DNAJC17: variants seen among roughly 807,000 people sequenced by gnomAD.
DNAJC17 encodes the protein DnaJ heat shock protein family (Hsp40) member C17.
DNAJC17 carries 35 observed loss-of-function variants against 48.1 expected under a neutral mutation model. That is an observed-to-expected ratio of 0.73 (90% CI 0.56 to 0.96). The LOEUF is 0.96. Ranked by LOEUF, DNAJC17 falls within the 50% of genes least tolerant of loss-of-function variation. The pLI is 0.00. For synonymous variants in DNAJC17, 117 were observed against 142.7 expected, an observed-to-expected ratio of 0.82 and a Z score of 1.28; for missense variants, 355 against 377.1, an observed-to-expected ratio of 0.94 and a Z score of 0.48.
At chr15:40,780,145 T>C (rs574293520) in intron 1 of DNAJC17, 148 bp from the exon 2 acceptor site, 11 of 778,322 alleles carry the variant, frequency 1.4e-5, no homozygotes, top group East Asian at 1.4e-4. Context: ...AGACTGGCAA[T>C]GGAGGAGGCC....
rs1889707814 is a variant in DNAJC17 at position 40,788,574 on chromosome 15, T to G, written c.79-8577A>C. ...AGCCGGGCATGGTGGCGGGCGCCTG[T>G]AGTCCCAGCTACTCGGGAGGCTGAG... is the stretch of plus-strand genomic sequence containing the variant. On this transcript the variant is annotated intron_variant, in intron 1 of 10. Transcript: ENST00000220496. Among the ~76,000 whole-genome samples the G allele has an allele frequency of 5.3e-5, 8 of 151,802 alleles. 1 individual carries two copies. In the South Asian group the frequency reaches 1.7e-3, roughly 32 times the overall value.
chr15:40,796,529 G>T (rs966151233), intron 1 of DNAJC17, among the ~76,000 whole-genome samples: 2 of 152,060 alleles, frequency 1.3e-5, no homozygotes, highest in African/African-American at 2.4e-5. Flanking sequence ...TGTTAGGTGA[G>T]TTTGAAAAAA....
chr15:40,770,116 C>A lies in DNAJC17; in HGVS notation c.793-2054G>T. On this transcript the variant is annotated intron_variant, in intron 10 of 10. Transcript: ENST00000220496. This position sits in a 1 kb window ranked among gnomAD's most constrained non-coding sequence, Gnocchi z 5.0. ...ATCTGCTGCCTGCCTGTGGAAGGAG[C>A]GCTCGCCAGCCTCACCCAGCCCGAG... The A allele has an allele frequency of 4.7e-6, 1 of 212,598 alleles. No homozygotes were observed. Among genetic ancestry groups the A allele is most frequent in the Admixed American group, 5.2e-5 (1 of 19,258 alleles). 13.2% of individuals were successfully genotyped at this position (212,598 alleles called of 1,614,324 possible). A position where few individuals can be genotyped will look rare whatever the true frequency, so the allele number is the denominator to read the frequency against.
chr15:40,781,153 G>GAAAAA (rs11337976), intron 1 of DNAJC17, among the ~76,000 whole-genome samples: 1 of 88,994 alleles, frequency 1.1e-5, no homozygotes, highest in Non-Finnish European at 2.3e-5. Flanking sequence ...CTCCATCTCA[G>GAAAAA]AAAAAAAAAA....
chr15:40,779,669 C>G, intron 2 of DNAJC17, 66 bp from the exon 3 acceptor site: 1 of 1,248,380 alleles, frequency 8.0e-7, no homozygotes, highest in Non-Finnish European at 1.1e-6. Context: ...TGTGCTCCCT[C>G]AAAAAAAAAA....
chr15:40,806,679 A>T (rs544923544), intron 1 of DNAJC17, among the ~76,000 whole-genome samples: 1 of 152,248 alleles, frequency 6.6e-6, no homozygotes, highest in East Asian at 1.9e-4. Flanking sequence ...ACCATGATCC[A>T]GGGGGAGATA....
chr15:40,771,318 G>A (rs1468462361), intron 10 of DNAJC17: 3 of 430,622 alleles, frequency 7.0e-6, no homozygotes, highest in East Asian at 4.6e-5. Flanking sequence ...AAGGGAGGCT[G>A]TGCCGGGAAA....
At chr15:40,791,759 C>G (rs1471373523) in intron 1 of DNAJC17, among the ~76,000 whole-genome samples, 1 of 151,822 alleles carries the variant, frequency 6.6e-6, no homozygotes, top group South Asian at 2.1e-4. Context: ...GCAGGAGAAT[C>G]GCTTGAACTC....
intron 1 of DNAJC17, among the ~76,000 whole-genome samples, chr15:40,792,138 G>A (rs116766505): frequency 3.3e-5 from 5 of 152,128 alleles, no homozygotes; most frequent in South Asian, 2.1e-4. Flanking sequence ...TGCATGCCCC[G>A]GTTGCTCCTT....
At chr15:40,804,863 G>A (rs1417466491) in intron 1 of DNAJC17, among the ~76,000 whole-genome samples, 3 of 152,166 alleles carry the variant, frequency 2.0e-5, no homozygotes, top group South Asian at 4.1e-4. Flanking sequence ...TTAGCTGGGT[G>A]TGGTGGCACA....
At chr15:40,776,941 G>A (rs890079055) in intron 4 of DNAJC17, 1 of 268,484 alleles carries the variant, frequency 3.7e-6, no homozygotes, top group African/African-American at 2.2e-5. Context: ...ATGTGTCAGG[G>A]GTGCCAATGG....
Position 40,769,088 on chromosome 15 carries a change from T to A in DNAJC17, c.793-1026A>T, listed in dbSNP as rs1461048363. Among the ~76,000 whole-genome samples, 1 of 152,098 alleles carries A rather than the reference T, an allele frequency of 6.6e-6. No individual in the cohort carries two copies. The highest frequency in any genetic ancestry group is 1.5e-5 in the Non-Finnish European group (1 of 68,018). ...TGGCCAGCAGGTTTGGAGTAAGGGG[T>A]GTAGAGAAACAGGAAGTGTTACTCA... On this transcript the variant is annotated intron_variant, in intron 10 of 10. Coordinates refer to ENST00000220496, the MANE Select transcript of DNAJC17 (RefSeq NM_018163.3). The surrounding 1 kb of genome is among the most constrained non-coding windows in gnomAD (Gnocchi z 4.2).
chr15:40,797,762 C>T (rs1207565495), intron 1 of DNAJC17, among the ~76,000 whole-genome samples: 2 of 138,494 alleles, frequency 1.4e-5, no homozygotes, highest in Non-Finnish European at 3.1e-5. Context: ...TGCTCTATCG[C>T]CCAGGCTGGA....
At position 40,766,673 on chromosome 15, in the gene DNAJC17, T is replaced by C. The variant is rs1160440269; in HGVS notation, c.*1267A>G. 2 of 152,364 alleles carry C rather than the reference T, an allele frequency of 1.3e-5. No homozygotes were observed. Among genetic ancestry groups the C allele is most frequent in the African/African-American group, 2.4e-5 (1 of 41,482 alleles). 9.4% of individuals were successfully genotyped at this position (152,364 alleles called of 1,614,324 possible). ...CATCAATTAAACCTGACAGAAGGAC[T>C]ACCAGCACTCTCCATGCTAGGGAGT... On this transcript the variant is annotated 3_prime_UTR_variant, in exon 11 of 11. Transcript: ENST00000220496.
chr15:40,779,638 A>G, intron 2 of DNAJC17, 35 bp from the exon 3 acceptor site: 2 of 1,611,890 alleles, frequency 1.2e-6, no homozygotes, highest in Non-Finnish European at 1.7e-6. Flanking sequence ...GAAGAAAAAT[A>G]AAGTTAAGAC....
Position 40,779,325 on chromosome 15 carries a change from G to C in DNAJC17, c.208-15C>G. On this transcript the variant is annotated splice_polypyrimidine_tract_variant and intron_variant, in intron 3 of 10. Transcript: ENST00000220496. ...TCATATGCAGCCTGGCAGGAGAAAG[G>C]GGCACAGGGCAGAGGGTCAGTGAGA... is the stretch of plus-strand genomic sequence containing the variant. The C allele has an allele frequency of 1.2e-6, 2 of 1,613,628 alleles. No homozygotes were observed. Among genetic ancestry groups the C allele is most frequent in the Non-Finnish European group, 1.7e-6 (2 of 1,179,818 alleles).
At chr15:40,782,716 T>C (rs1294009132) in intron 1 of DNAJC17, among the ~76,000 whole-genome samples, 3 of 151,980 alleles carry the variant, frequency 2.0e-5, no homozygotes, top group Non-Finnish European at 2.9e-5. Flanking sequence ...CTTTCAGAGG[T>C]AAGCAGCCAG....
intron 4 of DNAJC17, among the ~76,000 whole-genome samples, chr15:40,777,088 A>C (rs1486756006): frequency 6.6e-6 from 1 of 152,040 alleles, no homozygotes; most frequent in African/African-American, 2.4e-5. Context: ...ACCAAGCCTC[A>C]CTGTGGACCT....
intron 1 of DNAJC17, among the ~76,000 whole-genome samples, chr15:40,803,744 C>T (rs140734138): frequency 1.4e-5 from 2 of 147,468 alleles, no homozygotes; most frequent in African/African-American, 2.7e-5. Context: ...CCCTTGTATG[C>T]GTGAATCTTG....
Sources: gnomAD v4.1 joint callset for allele counts (sites outside exome capture counted in the v4.1 genomes callset) on GRCh38, gnomAD v4.1.1 for gene constraint, Gnocchi (gnomAD v3.1) non-coding constraint, MANE v1.5 for transcripts, NCBI Gene and HGNC (gene_info 2026-07-23, HGNC 2026-07-21) for gene names.